TFCP2: variants seen among roughly 807,000 people sequenced by gnomAD.
TFCP2 encodes the protein transcription factor CP2, also known as alpha-globin transcription factor CP2.
A neutral mutation model predicts 73.4 loss-of-function variants in TFCP2; 33 were observed. That is an observed-to-expected ratio of 0.45 (90% confidence interval 0.34 to 0.60). The LOEUF (loss-of-function observed/expected upper bound fraction) is 0.60, where lower values mean the gene tolerates loss of function less well. Among genes scored for constraint, TFCP2 ranks in the 20% least tolerant of loss-of-function variants. The probability of loss-of-function intolerance (pLI) is 0.01; values close to 1 mark genes in which losing one functional copy is unlikely to be tolerated. For synonymous variants in TFCP2, 193 were observed against 211.6 expected, an observed-to-expected ratio of 0.91 and a Z score of 0.76; for missense variants, 352 against 604.0, an observed-to-expected ratio of 0.58 and a Z score of 4.37.
chr12:51,107,091 C>G lies in TFCP2; in HGVS notation c.828+145G>C, dbSNP rs561701568. 55 of 696,158 alleles carry G rather than the reference C, an allele frequency of 7.9e-5. No homozygotes were observed. The South Asian group carries it at 9.8e-4, about 12-fold the overall frequency. The allele number at this position is 696,158 out of a possible 1,614,324, so 43.1% of individuals were successfully genotyped here. The stretch of plus-strand genomic sequence containing the variant: ...TCGTGCCAAATTCTAAAGCAATCTT[C>G]CTGTTAAGGCCGCTGGACACAGAAT... On this transcript the variant is annotated intron_variant, in intron 7 of 14. Coordinates refer to ENST00000257915, the MANE Select transcript of TFCP2 (RefSeq NM_005653.5).
At chr12:51,162,712 C>T (rs1941673852) in intron 1 of TFCP2, among the ~76,000 whole-genome samples, 1 of 152,102 alleles carries the variant, frequency 6.6e-6, no homozygotes, top group African/African-American at 2.4e-5. Flanking sequence ...ACTCTGTCAC[C>T]CAGGCTGGAG....
chr12:51,098,817 T>C lies in TFCP2; in HGVS notation c.1378A>G (p.Lys460Glu). ...ISPCQISQIY[K>E]QGPTGIHVLI... ...ACATGAATTCCTGTTGGCCCCTGCT[T>C]GTAAATCTGGCTGATCTGGCAAGGG... The change falls in exon 13 of 15, where the codon AAG becomes GAG. Residue 460 changes from lysine to glutamate, a missense_variant. Physicochemically the swap from Lys to Glu is moderately conservative, Grantham distance 56. Around this residue, in one of 6 missense-constraint regions of TFCP2, gnomAD observed 194 missense variants for 256.3 expected, o/e 0.76. Transcript: ENST00000257915. 6.2e-7 allele frequency: 1 copy of C among 1,614,126 alleles called. No individual in the cohort carries two copies. The highest frequency in any genetic ancestry group is 8.5e-7 in the Non-Finnish European group (1 of 1,180,022).
chr12:51,151,117 C>T (rs1038431150), intron 1 of TFCP2, among the ~76,000 whole-genome samples: 5 of 152,100 alleles, frequency 3.3e-5, no homozygotes, highest in Non-Finnish European at 5.9e-5. Context: ...AGGAATGTTT[C>T]GGGAAGAGTA....
intron 1 of TFCP2, among the ~76,000 whole-genome samples, chr12:51,133,446 A>T (rs1940996165): frequency 6.6e-6 from 1 of 152,114 alleles, no homozygotes; most frequent in South Asian, 2.1e-4. Flanking sequence ...CTGGAACTAC[A>T]GGTGTGTGCC....
intron 1 of TFCP2, among the ~76,000 whole-genome samples, chr12:51,131,299 C>T (rs573504689): frequency 2.8e-5 from 4 of 145,190 alleles, no homozygotes; most frequent in South Asian, 4.3e-4. Flanking sequence ...CGCACCACTG[C>T]ACCCCAGCCT....
chr12:51,147,301 C>T (rs1299312747), intron 1 of TFCP2, among the ~76,000 whole-genome samples: 2 of 151,894 alleles, frequency 1.3e-5, no homozygotes, highest in Non-Finnish European at 2.9e-5. Context: ...CGAGATTGCG[C>T]CACTGCACTC....
intron 4 of TFCP2, among the ~76,000 whole-genome samples, 169 bp from the exon 5 acceptor site, chr12:51,111,152 T>C (rs1211407420): frequency 6.6e-6 from 1 of 152,056 alleles, no homozygotes; most frequent in East Asian, 1.9e-4. Flanking sequence ...TATGGAGTCT[T>C]GTTCTGTTGC....
At chr12:51,122,262 T>C (rs1041567959) in intron 1 of TFCP2, among the ~76,000 whole-genome samples, 1 of 139,660 alleles carries the variant, frequency 7.2e-6, no homozygotes, top group Admixed American at 7.1e-5. Context: ...TCTTTTTTTT[T>C]TTTTTTTTTT....
chr12:51,115,599 C>T (rs1841201713), intron 4 of TFCP2, among the ~76,000 whole-genome samples: 1 of 152,174 alleles, frequency 6.6e-6, no homozygotes, highest in Non-Finnish European at 1.5e-5. Flanking sequence ...TTTGTACATC[C>T]ATGTTCATAG....
intron 3 of TFCP2, among the ~76,000 whole-genome samples, chr12:51,117,303 C>A (rs1940552556): frequency 6.6e-6 from 1 of 152,186 alleles, no homozygotes; most frequent in African/African-American, 2.4e-5. Context: ...TGCTCTTCAT[C>A]AAAGTAGCTT....
intron 4 of TFCP2, among the ~76,000 whole-genome samples, chr12:51,115,454 G>A (rs1203364699): frequency 6.6e-6 from 1 of 152,146 alleles, no homozygotes; most frequent in African/African-American, 2.4e-5. Flanking sequence ...TGGTAGAAAT[G>A]TAAAATGTGT....
At chr12:51,139,035 G>C (rs1417758828) in intron 1 of TFCP2, among the ~76,000 whole-genome samples, 1 of 152,198 alleles carries the variant, frequency 6.6e-6, no homozygotes, top group African/African-American at 2.4e-5. Context: ...AATCAAAGCA[G>C]AAATGTTATT....
Position 51,107,067 on chromosome 12 carries a change from C to T in TFCP2, c.828+169G>A, listed in dbSNP as rs548201257. The T allele has an allele frequency of 2.2e-5, 14 of 648,600 alleles. No individual in the cohort carries two copies. In the East Asian group the frequency reaches 3.8e-4, roughly 18 times the overall value. 40.2% of individuals were successfully genotyped at this position (648,600 alleles called of 1,614,324 possible). A position where few individuals can be genotyped will look rare whatever the true frequency, so the allele number is the denominator to read the frequency against. On this transcript the variant is annotated intron_variant, in intron 7 of 14. Coordinates refer to ENST00000257915, the MANE Select transcript of TFCP2 (RefSeq NM_005653.5). ...TGGACACAGAGACAGTGGCATGGTTCGTGCCAAATTCTAAAGCAATCTTCC... is the reference window on the plus strand; with the variant it reads ...TGGACACAGAGACAGTGGCATGGTTTGTGCCAAATTCTAAAGCAATCTTCC...
At position 51,126,804 on chromosome 12, in the gene TFCP2, G is replaced by C. The variant is rs185518205; in HGVS notation, c.123-8032C>G. Among the ~76,000 whole-genome samples the C allele has an allele frequency of 8.5e-4, 129 of 152,094 alleles. 1 individual carries two copies. The highest frequency in any genetic ancestry group is 3.4e-3 in the Middle Eastern group (1 of 294). On this transcript the variant is annotated intron_variant, in intron 1 of 14. Transcript: ENST00000257915. ...AGCATGAAAGGGCAACAGCTGAAGA[G>C]ACTACACTCTACTCTGAGGCCAGCT...
At chr12:51,142,032 G>A (rs542691502) in intron 1 of TFCP2, among the ~76,000 whole-genome samples, 4 of 151,066 alleles carry the variant, frequency 2.6e-5, no homozygotes, top group Non-Finnish European at 5.9e-5. Context: ...GTGAAACCCC[G>A]TCTCTACTAA....
chr12:51,166,777 T>G (rs1239662299), intron 1 of TFCP2, among the ~76,000 whole-genome samples: 1 of 152,182 alleles, frequency 6.6e-6, no homozygotes, highest in African/African-American at 2.4e-5. Flanking sequence ...GGTGCCAGAT[T>G]TGGGATTTGC....
chr12:51,109,075 T>C, intron 6 of TFCP2, 46 bp downstream of exon 6: 1 of 1,585,498 alleles, frequency 6.3e-7, no homozygotes, highest in Non-Finnish European at 8.6e-7. Flanking sequence ...TAAAATAGAA[T>C]GATAAGGTAA....
At position 51,117,789 on chromosome 12, in the gene TFCP2, A is replaced by G. The variant is rs371581311; in HGVS notation, c.275-42T>C. The G allele has an allele frequency of 3.0e-5, 41 of 1,383,598 alleles. No homozygotes were observed. In the African/African-American group the frequency reaches 5.5e-4, roughly 18 times the overall value. The allele number at this position is 1,383,598 out of a possible 1,614,324, so 85.7% of individuals were successfully genotyped here. A position where few individuals can be genotyped will look rare whatever the true frequency, so the allele number is the denominator to read the frequency against. ...TTACATATTATATTCACCACAAATT[A>G]ACTTTGCTAGATTCGGAAAGAATAA... is the stretch of plus-strand genomic sequence containing the variant. On this transcript the variant is annotated intron_variant, in intron 2 of 14. Transcript: ENST00000257915.
chr12:51,153,557 GAAC>G (rs1251316521), intron 1 of TFCP2, among the ~76,000 whole-genome samples: 1 of 35,150 alleles, frequency 2.8e-5, no homozygotes, highest in African/African-American at 8.3e-5. Flanking sequence ...CATTAAACAA[GAAC>G]TACTCACTCC....
Sources: gnomAD v4.1 joint callset for allele counts (sites outside exome capture counted in the v4.1 genomes callset) on GRCh38, gnomAD v4.1.1 for gene constraint, gnomAD v4.1.1 regional missense constraint, MANE v1.5 for transcripts, NCBI Gene and HGNC (gene_info 2026-07-23, HGNC 2026-07-21) for gene names.